The following FGF14 variants were observed in gnomAD, a reference collection of about 807,000 sequenced individuals.
FGF14 encodes fibroblast growth factor homologous factor 4.
In FGF14, 5 loss-of-function variants were observed where a neutral mutation model predicts 25.5. The ratio of observed to expected loss-of-function variants is 0.20; its 90% confidence interval spans 0.10 to 0.41. The LOEUF (loss-of-function observed/expected upper bound fraction) is 0.41. Among genes scored for constraint, FGF14 ranks in the 10% least tolerant of loss-of-function variants. The pLI is 1.00. For missense variants in FGF14, 222 were observed against 320.1 expected (o/e 0.69, Z 2.34); for synonymous variants, 138 against 118.3 (o/e 1.17, Z -1.08).
intron 1 of FGF14, among the ~76,000 whole-genome samples, chr13:102,149,155 A>C (rs978716575): frequency 1.1e-4 from 17 of 152,088 alleles, no homozygotes; most frequent in African/African-American, 3.4e-4. Flanking sequence ...AATTAAAGTA[A>C]TATGAATAAT....
intron 1 of FGF14, among the ~76,000 whole-genome samples, chr13:102,094,269 C>A (rs1215288351): frequency 2.0e-5 from 3 of 152,138 alleles, no homozygotes; most frequent in Non-Finnish European, 2.9e-5. Context: ...CATGGTATGA[C>A]AACTTAATAA....
intron 1 of FGF14, among the ~76,000 whole-genome samples, chr13:101,922,592 T>A (rs945296257): frequency 6.6e-6 from 1 of 152,312 alleles, no homozygotes; most frequent in Middle Eastern, 3.4e-3. Context: ...TAATCCATTA[T>A]AGAATTTGAC....
chr13:101,832,659 C>T (rs1215549972), intron 3 of FGF14, among the ~76,000 whole-genome samples: 1 of 151,946 alleles, frequency 6.6e-6, no homozygotes, highest in Non-Finnish European at 1.5e-5. Flanking sequence ...GCAGCTGAGA[C>T]TGAAATTATC....
At chr13:101,723,169 T>C in intron 4 of FGF14, 1 of 635,204 alleles carries the variant, frequency 1.6e-6, no homozygotes, top group South Asian at 1.8e-5. Context: ...CATTCTCTGG[T>C]CTGTATACCT....
chr13:102,105,818 G>C lies in FGF14; in HGVS notation c.209-230522C>G, dbSNP rs147152097. ...TCAGCACATTCAACCAATGAGTTAGGTAATCAGAATCTCAGGAGATATTGG... is the reference window on the plus strand; with the variant it reads ...TCAGCACATTCAACCAATGAGTTAGCTAATCAGAATCTCAGGAGATATTGG... On this transcript the variant is annotated intron_variant, in intron 1 of 4. Coordinates refer to the FGF14 transcript ENST00000376131. 5.0e-3 allele frequency among the ~76,000 whole-genome samples: 762 copies of C among 152,248 alleles called. 14 individuals are homozygous for C. The highest frequency in any genetic ancestry group is 0.017 in the African/African-American group (721 of 41,538).
intron 1 of FGF14, among the ~76,000 whole-genome samples, chr13:102,254,053 C>A (rs778119199): frequency 3.3e-5 from 5 of 152,114 alleles, no homozygotes; most frequent in South Asian, 2.1e-4. Flanking sequence ...TAACACCACC[C>A]AAGGGTAGTA....
intron 1 of FGF14, among the ~76,000 whole-genome samples, chr13:102,182,858 C>T (rs1181946267): frequency 6.6e-6 from 1 of 152,224 alleles, no homozygotes; most frequent in Non-Finnish European, 1.5e-5. Flanking sequence ...TTAAAAGAAA[C>T]ATATCCATTC....
chr13:101,763,595 A>C (rs769599294), intron 3 of FGF14, among the ~76,000 whole-genome samples: 9 of 151,980 alleles, frequency 5.9e-5, no homozygotes, highest in Non-Finnish European at 8.8e-5. Flanking sequence ...ATGGTGACTC[A>C]TGCCTGTAAT....
Position 102,094,741 on chromosome 13 carries a change from T to C in FGF14, c.209-219445A>G, listed in dbSNP as rs530331340. Among the ~76,000 whole-genome samples, 21 of 152,318 alleles carry C rather than the reference T, an allele frequency of 1.4e-4. No individual in the cohort carries two copies. The South Asian group carries it at 4.4e-3, about 32-fold the overall frequency. ...AGAGCTGGACAATGAGAACCCTTTT[T>C]CTGGATTGATTCCATCAGTGACTTT... On this transcript the variant is annotated intron_variant, in intron 1 of 4. Transcript: ENST00000376131.
At chr13:102,397,639 G>C (rs1467054897) in intron 1 of FGF14, among the ~76,000 whole-genome samples, 2 of 152,176 alleles carry the variant, frequency 1.3e-5, no homozygotes, top group African/African-American at 4.8e-5. Flanking sequence ...AGGGTCTGTG[G>C]CTTCCTTTGC....
chr13:102,319,632 G>A (rs2056168660), intron 1 of FGF14, among the ~76,000 whole-genome samples: 1 of 152,242 alleles, frequency 6.6e-6, no homozygotes, highest in South Asian at 2.1e-4. Flanking sequence ...CTACTTAAAT[G>A]TAAGCAGTGT....
intron 1 of FGF14, among the ~76,000 whole-genome samples, chr13:102,344,481 A>C (rs1195685938): frequency 2.0e-5 from 3 of 152,252 alleles, no homozygotes; most frequent in Non-Finnish European, 4.4e-5. Flanking sequence ...GTATTTTTAA[A>C]AATCAAACTA....
rs949578469 is a variant in FGF14 at position 102,345,943 on chromosome 13, C to T, written c.208+55528G>A. 9.2e-5 allele frequency among the ~76,000 whole-genome samples: 14 copies of T among 151,986 alleles called. No individual in the cohort carries two copies. In the East Asian group the frequency reaches 2.7e-3, roughly 29 times the overall value. On this transcript the variant is annotated intron_variant, in intron 1 of 4. Transcript: ENST00000376131. ...TACTGGTTATTAGTGTATTCATATC[C>T]CTAGGACAACAATGGGGAGAGTTAC...
At chr13:101,852,474 A>C (rs1275832368) in intron 3 of FGF14, among the ~76,000 whole-genome samples, 2 of 152,134 alleles carry the variant, frequency 1.3e-5, no homozygotes, top group African/African-American at 2.4e-5. Context: ...ACTTGCTGAC[A>C]AAAGTCAATG....
At chr13:102,043,511 G>T (rs1039204400) in intron 1 of FGF14, among the ~76,000 whole-genome samples, 18 of 152,168 alleles carry the variant, frequency 1.2e-4, no homozygotes, top group African/African-American at 4.3e-4. Flanking sequence ...GACAGTGGAT[G>T]AAAGTGGAAC....
intron 1 of FGF14, among the ~76,000 whole-genome samples, chr13:102,152,967 G>A (rs116275424): frequency 0.013 from 2,048 of 152,212 alleles, 44 homozygotes; most frequent in African/African-American, 0.047. Context: ...CTCCTACACC[G>A]TGGCAGGCCC....
At chr13:102,350,453 C>T (rs983205295) in intron 1 of FGF14, among the ~76,000 whole-genome samples, 1 of 152,068 alleles carries the variant, frequency 6.6e-6, no homozygotes, top group African/African-American at 2.4e-5. Context: ...GTCCTTTGAG[C>T]TCATGTGGAG....
Position 102,213,257 on chromosome 13 carries a change from C to G in FGF14, c.208+188214G>C, listed in dbSNP as rs140920868. On this transcript the variant is annotated intron_variant, in intron 1 of 4. Transcript: ENST00000376131. ...TTAACAGAGCTTTACTTCTTTCCAC[C>G]AAGGAGGACTATATGTTAATACAGT... Among the ~76,000 whole-genome samples, 9 of 152,256 alleles carry G rather than the reference C, an allele frequency of 5.9e-5. No homozygotes were observed. In the East Asian group the frequency reaches 1.7e-3, roughly 29 times the overall value.
chr13:101,868,915 GA>G, intron 2 of FGF14, 87 bp from the exon 3 acceptor site: 1 of 860,268 alleles, frequency 1.2e-6, no homozygotes, highest in Non-Finnish European at 2.0e-6. Context: ...TTTTATTTAA[GA>G]AACATCATCT....
Sources: allele counts gnomAD v4.1 joint callset (sites outside exome capture counted in the v4.1 genomes callset), GRCh38; gene constraint gnomAD v4.1.1; transcripts MANE v1.5; gene names NCBI Gene and HGNC (gene_info 2026-07-23, HGNC 2026-07-21).